The following CYTH1 variants were observed in gnomAD, a reference collection of about 807,000 sequenced individuals.
CYTH1 encodes the protein cytohesin-1.
Under a neutral mutation model 61.8 loss-of-function variants are expected in CYTH1, and 18 were observed. The ratio of observed to expected loss-of-function variants is 0.29; its 90% confidence interval spans 0.20 to 0.43. CYTH1 has a LOEUF of 0.43. Ranked by LOEUF, CYTH1 falls within the 20% of genes least tolerant of loss-of-function variation. CYTH1 has a pLI of 1.00. For missense variants in CYTH1, 336 were observed against 510.5 expected (o/e 0.66, Z 3.29); for synonymous variants, 174 against 184.3 (o/e 0.94, Z 0.45).
At chr17:78,746,985 A>G (rs757473337) in intron 1 of CYTH1, among the ~76,000 whole-genome samples, 5 of 151,938 alleles carry the variant, frequency 3.3e-5, no homozygotes, top group Non-Finnish European at 7.4e-5. Context: ...TTATTAAAAA[A>G]AGATTTGACT....
In CYTH1 at chr17:78,674,324, C is replaced by G. The variant is rs2092673338; in HGVS notation, c.*1767G>C. ...CTCTGTCTAGGAAACACTTGAGAAC[C>G]AGGCCAGGGCCCGGGCCAGCTGGAC... On this transcript the variant is annotated 3_prime_UTR_variant, in exon 14 of 14. Transcript: ENST00000446868. 2 of 152,378 alleles carry G rather than the reference C, an allele frequency of 1.3e-5. No homozygotes were observed. Among genetic ancestry groups the G allele is most frequent in the South Asian group, 4.1e-4 (2 of 4,830 alleles). The allele number at this position is 152,378 out of a possible 1,614,324, so 9.4% of individuals were successfully genotyped here.
At chr17:78,705,507 T>C (rs1160348348) in intron 3 of CYTH1, among the ~76,000 whole-genome samples, 1 of 152,238 alleles carries the variant, frequency 6.6e-6, no homozygotes, top group African/African-American at 2.4e-5. Context: ...TGAAATCCTG[T>C]ACTACATGAG....
chr17:78,687,493 G>C (rs1440269223), intron 11 of CYTH1, among the ~76,000 whole-genome samples: 1 of 152,174 alleles, frequency 6.6e-6, no homozygotes. Flanking sequence ...CATTGGCCAA[G>C]GTGATTCACC....
intron 1 of CYTH1, among the ~76,000 whole-genome samples, chr17:78,719,912 T>C (rs1297869614): frequency 6.6e-6 from 1 of 152,188 alleles, no homozygotes; most frequent in Non-Finnish European, 1.5e-5. Context: ...AGTAATACTT[T>C]TCAAACTTAG....
chr17:78,692,956 A>C (rs1219208607), intron 10 of CYTH1, among the ~76,000 whole-genome samples: 1 of 152,132 alleles, frequency 6.6e-6, no homozygotes, highest in African/African-American at 2.4e-5. Context: ...AGGAAGCAGG[A>C]GGGGAGATGC....
chr17:78,777,476 T>G (rs1226200132), intron 1 of CYTH1, among the ~76,000 whole-genome samples: 1 of 152,010 alleles, frequency 6.6e-6, no homozygotes, highest in Non-Finnish European at 1.5e-5. Flanking sequence ...TAAAGATATA[T>G]CCCACACAGG....
chr17:78,759,731 C>T (rs2093414820), intron 1 of CYTH1, among the ~76,000 whole-genome samples: 1 of 152,186 alleles, frequency 6.6e-6, no homozygotes, highest in African/African-American at 2.4e-5. Context: ...ATGCATTCAA[C>T]ACTCAGCCAT....
At chr17:78,710,508 C>T (rs2093118049) in intron 1 of CYTH1, among the ~76,000 whole-genome samples, 1 of 152,142 alleles carries the variant, frequency 6.6e-6, no homozygotes, top group South Asian at 2.1e-4. Flanking sequence ...CTAAAATGAC[C>T]CTTCAAGCAT....
At chr17:78,677,308 G>C in intron 13 of CYTH1, 1 of 351,198 alleles carries the variant, frequency 2.8e-6, no homozygotes, top group Admixed American at 3.9e-5. Flanking sequence ...AGAGAGGTGC[G>C]TGTGGCACTG....
intron 1 of CYTH1, among the ~76,000 whole-genome samples, chr17:78,767,249 C>T (rs2093452502): frequency 1.3e-5 from 2 of 152,126 alleles, no homozygotes; most frequent in South Asian, 4.1e-4. Flanking sequence ...GGGAAGACTG[C>T]TTGAGGCCAG....
chr17:78,781,078 G>A (rs2093515317), intron 1 of CYTH1, among the ~76,000 whole-genome samples: 1 of 151,360 alleles, frequency 6.6e-6, no homozygotes, highest in Admixed American at 6.6e-5. Context: ...GCATGGTGGC[G>A]TGCGTATGGT....
At chr17:78,780,880 G>A (rs1439463194) in intron 1 of CYTH1, among the ~76,000 whole-genome samples, 3 of 152,020 alleles carry the variant, frequency 2.0e-5, no homozygotes, top group Admixed American at 6.6e-5. Flanking sequence ...GGTGGCACGC[G>A]CCTGTAGTCC....
chr17:78,778,637 C>CAAAAAAAAAAA (rs71309108), intron 1 of CYTH1, among the ~76,000 whole-genome samples: 89 of 64,114 alleles, frequency 1.4e-3, no homozygotes, highest in Middle Eastern at 7.8e-3. Context: ...GACTCCATCT[C>CAAAAAAAAAAA]AAAAAAAAAA....
chr17:78,716,308 T>C (rs1014814011), intron 1 of CYTH1, among the ~76,000 whole-genome samples: 13 of 152,170 alleles, frequency 8.5e-5, no homozygotes, highest in Admixed American at 3.9e-4. Context: ...CCCTGAATAC[T>C]TGCTTTAAAA....
At chr17:78,760,426 C>CAT (rs1185101238) in intron 1 of CYTH1, among the ~76,000 whole-genome samples, 1 of 54,364 alleles carries the variant, frequency 1.8e-5, no homozygotes, top group African/African-American at 8.4e-5. Flanking sequence ...TATATATATA[C>CAT]ACATACATAT....
intron 1 of CYTH1, among the ~76,000 whole-genome samples, chr17:78,770,322 C>T (rs1206005229): frequency 1.7e-5 from 2 of 114,450 alleles, no homozygotes; most frequent in African/African-American, 3.5e-5. Context: ...AAATTCCCAT[C>T]TCCAAAAAAA....
At chr17:78,780,755 C>T (rs1342180496) in intron 1 of CYTH1, among the ~76,000 whole-genome samples, 1 of 152,124 alleles carries the variant, frequency 6.6e-6, no homozygotes, top group South Asian at 2.1e-4. Context: ...GCCTGTAATC[C>T]CAGCACTTTG....
chr17:78,775,343 C>T (rs1478120817), intron 1 of CYTH1, among the ~76,000 whole-genome samples: 2 of 152,138 alleles, frequency 1.3e-5, no homozygotes, highest in Non-Finnish European at 2.9e-5. Flanking sequence ...TACCCCTGTC[C>T]TGAGTATTCC....
intron 1 of CYTH1, among the ~76,000 whole-genome samples, chr17:78,765,516 G>T (rs1289561815): frequency 2.0e-5 from 3 of 152,190 alleles, no homozygotes; most frequent in African/African-American, 7.2e-5. Flanking sequence ...GTAAAAGCCA[G>T]TGTGGAGTAG....
Sources: allele counts gnomAD v4.1 joint callset (sites outside exome capture counted in the v4.1 genomes callset), GRCh38; gene constraint gnomAD v4.1.1; transcripts MANE v1.5; gene names NCBI Gene and HGNC (gene_info 2026-07-23, HGNC 2026-07-21).